The following DPYD variants were observed in gnomAD, a reference collection of about 807,000 sequenced individuals.
The protein encoded by DPYD is dihydropyrimidine dehydrogenase [NADP(+)].
Under a neutral mutation model 116.2 loss-of-function variants are expected in DPYD, and 109 were observed. That is an observed-to-expected ratio of 0.94 (90% confidence interval 0.80 to 1.10). The LOEUF (loss-of-function observed/expected upper bound fraction) is 1.10. Among genes scored for constraint, DPYD ranks in the 50% least tolerant of loss-of-function variants. The pLI is 0.00. For synonymous variants in DPYD, 440 were observed against 432.0 expected (o/e 1.02, Z -0.23); for missense variants, 1,302 against 1,254.5 (o/e 1.04, Z -0.57).
intron 14 of DPYD, among the ~76,000 whole-genome samples, chr1:97,417,454 T>A (rs1004028045): frequency 2.0e-5 from 3 of 152,200 alleles, no homozygotes; most frequent in Non-Finnish European, 4.4e-5. Context: ...ATTCAAATAA[T>A]CAACCAAATA....
intron 8 of DPYD, among the ~76,000 whole-genome samples, chr1:97,660,407 T>C (rs1001273446): frequency 2.6e-5 from 4 of 152,172 alleles, no homozygotes; most frequent in Admixed American, 1.3e-4. Context: ...TCATCCCTAG[T>C]TGTTCCCTCT....
chr1:97,282,016 A>T (rs1457960376), intron 18 of DPYD, among the ~76,000 whole-genome samples: 1 of 152,070 alleles, frequency 6.6e-6, no homozygotes, highest in Non-Finnish European at 1.5e-5. Flanking sequence ...TGCTCAAATA[A>T]CTTTAAATAT....
intron 20 of DPYD, among the ~76,000 whole-genome samples, chr1:97,120,523 C>A (rs1385277168): frequency 1.3e-5 from 2 of 152,152 alleles, no homozygotes; most frequent in Non-Finnish European, 2.9e-5. Context: ...TAATGCACAG[C>A]TGAGCTAAAA....
intron 19 of DPYD, among the ~76,000 whole-genome samples, chr1:97,220,010 C>T (rs1020340659): frequency 3.3e-5 from 5 of 151,978 alleles, no homozygotes; most frequent in Non-Finnish European, 7.4e-5. Flanking sequence ...CTTTCTCTGG[C>T]CAGGAGGACA....
chr1:97,294,379 C>T (rs1666393201), intron 18 of DPYD, among the ~76,000 whole-genome samples: 1 of 151,766 alleles, frequency 6.6e-6, no homozygotes, highest in Admixed American at 6.6e-5. Context: ...TCAGAAAGGA[C>T]TTAGTATAGG....
intron 3 of DPYD, among the ~76,000 whole-genome samples, chr1:97,751,660 G>A (rs1369401319): frequency 6.6e-6 from 1 of 151,314 alleles, no homozygotes; most frequent in Non-Finnish European, 1.5e-5. Context: ...TTTAGTCACA[G>A]CTGTAGGCTG....
intron 16 of DPYD, among the ~76,000 whole-genome samples, chr1:97,370,925 CA>C (rs1004409215): frequency 5.3e-5 from 8 of 152,100 alleles, no homozygotes; most frequent in African/African-American, 9.7e-5. Context: ...TGCAATTTCC[CA>C]AGGTCAGCTT....
At chr1:97,621,699 A>G (rs1402282513) in intron 8 of DPYD, among the ~76,000 whole-genome samples, 1 of 152,038 alleles carries the variant, frequency 6.6e-6, no homozygotes, top group African/African-American at 2.4e-5. Flanking sequence ...ACCATTATCC[A>G]ATAAAAGAAA....
chr1:97,802,063 A>G (rs1667874175), intron 3 of DPYD, among the ~76,000 whole-genome samples: 1 of 151,856 alleles, frequency 6.6e-6, no homozygotes, highest in Non-Finnish European at 1.5e-5. Flanking sequence ...TGTCTAACAG[A>G]AAAAATGATG....
At chr1:97,883,225 G>A (rs2101642407) in intron 2 of DPYD, 39 bp downstream of exon 2, 1 of 1,398,190 alleles carries the variant, frequency 7.2e-7, no homozygotes, top group Non-Finnish European at 1.0e-6. Context: ...GTGGAGTGAG[G>A]TAATTTTCAG....
intron 11 of DPYD, among the ~76,000 whole-genome samples, chr1:97,564,729 G>C (rs1329995329): frequency 1.3e-5 from 2 of 152,012 alleles, no homozygotes; most frequent in Non-Finnish European, 2.9e-5. Flanking sequence ...ACCAAATCCT[G>C]ACTATTCTAC....
chr1:97,690,204 T>G (rs1234250282), intron 7 of DPYD, among the ~76,000 whole-genome samples: 1 of 152,060 alleles, frequency 6.6e-6, no homozygotes, highest in East Asian at 1.9e-4. Context: ...GTTCTAGATA[T>G]TAATAGACTT....
At chr1:97,318,614 T>A (rs1268560083) in intron 16 of DPYD, among the ~76,000 whole-genome samples, 1 of 151,520 alleles carries the variant, frequency 6.6e-6, no homozygotes, top group Non-Finnish European at 1.5e-5. Context: ...AGACTTAGAC[T>A]CCCACACATT....
rs1663835290 is a variant in DPYD, at chr1:97,734,852, G to A, written c.321+5540C>T. Reference sequence around the variant, plus strand: ...AGCTCAAGGCCCACCTAAAGTCTGAGTCTAACATAAGACTCAATCATAAAA... The same window carrying A: ...AGCTCAAGGCCCACCTAAAGTCTGAATCTAACATAAGACTCAATCATAAAA... On this transcript the variant is annotated intron_variant, in intron 4 of 22. Transcript: ENST00000370192. 2.0e-5 allele frequency among the ~76,000 whole-genome samples: 3 copies of A among 151,938 alleles called. No individual in the cohort carries two copies. In the South Asian group the frequency reaches 6.2e-4, roughly 31 times the overall value.
chr1:97,525,118 C>G (rs550054670), intron 12 of DPYD, among the ~76,000 whole-genome samples: 21 of 152,296 alleles, frequency 1.4e-4, no homozygotes, highest in African/African-American at 4.8e-4. Flanking sequence ...ACCTCCTGGT[C>G]TAAGCATGGT....
chr1:97,801,424 A>G lies in DPYD; in HGVS notation c.233+26690T>C, dbSNP rs61786609. Among the ~76,000 whole-genome samples, 1,515 of 152,066 alleles carry G rather than the reference A, an allele frequency of 1.0e-2. 10 individuals carry two copies. Among genetic ancestry groups the G allele is most frequent in the Middle Eastern group, 0.027 (8 of 294 alleles). On this transcript the variant is annotated intron_variant, in intron 3 of 22. Transcript: ENST00000370192. The stretch of plus-strand genomic sequence containing the variant: ...CCTACTCCTCAAATGGATACAGCTT[A>G]TGTCACTAATTATGGCCCTGCCACG...
chr1:97,255,956 A>G (rs1663431049), intron 18 of DPYD, among the ~76,000 whole-genome samples: 1 of 152,108 alleles, frequency 6.6e-6, no homozygotes, highest in Non-Finnish European at 1.5e-5. Flanking sequence ...CAAATGGGTG[A>G]CAATTTCTCT....
chr1:97,827,451 A>T (rs527647200), intron 3 of DPYD, among the ~76,000 whole-genome samples: 2 of 152,106 alleles, frequency 1.3e-5, no homozygotes, highest in African/African-American at 4.8e-5. Context: ...TCAATGTCTA[A>T]TAAAAAGCCT....
chr1:97,712,374 T>C (rs548435274), intron 5 of DPYD, among the ~76,000 whole-genome samples: 2 of 152,232 alleles, frequency 1.3e-5, no homozygotes, highest in South Asian at 4.1e-4. Flanking sequence ...ATTGTCATTA[T>C]AGTGTAAATT....
Sources: allele counts gnomAD v4.1 joint callset (sites outside exome capture counted in the v4.1 genomes callset), GRCh38; gene constraint gnomAD v4.1.1; transcripts MANE v1.5; gene names NCBI Gene and HGNC (gene_info 2026-07-23, HGNC 2026-07-21).